The following WDR49 variants were observed in gnomAD, a reference collection of about 807,000 sequenced individuals.
The protein encoded by WDR49 is WD repeat domain 49, also known as cilia- and flagella-associated protein 337.
Under a neutral mutation model 119.5 loss-of-function variants are expected in WDR49, and 107 were observed. That is an observed-to-expected ratio of 0.90 (90% CI 0.77 to 1.05). WDR49 has a LOEUF of 1.05. Among genes scored for constraint, WDR49 ranks in the 50% least tolerant of loss-of-function variants. The pLI, the probability that WDR49 is intolerant of heterozygous loss-of-function variation, is 0.00. For missense variants in WDR49, 1,240 were observed against 1,220.5 expected (o/e 1.02, Z -0.24); for synonymous variants, 425 against 418.8 (o/e 1.01, Z -0.18).
intron 7 of WDR49, among the ~76,000 whole-genome samples, chr3:167,584,037 A>G (rs189821557): frequency 2.0e-5 from 3 of 152,308 alleles, no homozygotes; most frequent in African/African-American, 7.2e-5. Flanking sequence ...AATTAGGTAT[A>G]ACATTAAAGA....
chr3:167,600,532 G>C (rs1188838706), intron 7 of WDR49, among the ~76,000 whole-genome samples: 1 of 152,044 alleles, frequency 6.6e-6, no homozygotes, highest in Admixed American at 6.6e-5. Flanking sequence ...TAAATTTGGT[G>C]TTCCTATTGG....
chr3:167,586,983 C>T (rs1577257638), intron 7 of WDR49, among the ~76,000 whole-genome samples: 1 of 151,918 alleles, frequency 6.6e-6, no homozygotes, highest in African/African-American at 2.4e-5. Context: ...GATAAAGATT[C>T]TCTTATTTAA....
At chr3:167,582,953 CACACACACACACACAT>C (rs1379675528) in intron 7 of WDR49, among the ~76,000 whole-genome samples, 5 of 149,728 alleles carry the variant, frequency 3.3e-5, no homozygotes, top group East Asian at 4.0e-4. Flanking sequence ...AAAACAAACA[CACACACACACACACAT>C]ACACACACAC....
intron 11 of WDR49, 111 bp downstream of exon 11, chr3:167,536,759 A>G: frequency 2.1e-6 from 1 of 482,070 alleles, no homozygotes; most frequent in Non-Finnish European, 2.9e-6. Flanking sequence ...ACATATACAT[A>G]TATATATATA....
intron 5 of WDR49, among the ~76,000 whole-genome samples, chr3:167,607,398 A>C (rs1716114097): frequency 6.6e-6 from 1 of 152,196 alleles, no homozygotes; most frequent in African/African-American, 2.4e-5. Flanking sequence ...TATCCCCCAT[A>C]TGGAATTTCT....
At chr3:167,552,425 T>C (rs1712630848) in intron 10 of WDR49, among the ~76,000 whole-genome samples, 1 of 152,054 alleles carries the variant, frequency 6.6e-6, no homozygotes, top group African/African-American at 2.4e-5. Flanking sequence ...GTACAATTTA[T>C]AGGAGCAGGT....
chr3:167,496,212 A>G (rs1238211435), intron 18 of WDR49, among the ~76,000 whole-genome samples: 1 of 148,450 alleles, frequency 6.7e-6, no homozygotes, highest in Admixed American at 6.8e-5. Context: ...ATAAAATTAT[A>G]TAATTCAGAA....
At chr3:167,591,415 A>C (rs1201880263) in intron 7 of WDR49, among the ~76,000 whole-genome samples, 4 of 152,112 alleles carry the variant, frequency 2.6e-5, no homozygotes, top group Non-Finnish European at 5.9e-5. Context: ...AATATCTATT[A>C]GGTCCATTTC....
chr3:167,647,311 C>T (rs951347127), intron 2 of WDR49, among the ~76,000 whole-genome samples: 1 of 152,198 alleles, frequency 6.6e-6, no homozygotes, highest in Non-Finnish European at 1.5e-5. Flanking sequence ...CACTCTTCAT[C>T]ACACACTGAT....
At chr3:167,567,350 C>G (rs1713663830) in intron 8 of WDR49, among the ~76,000 whole-genome samples, 1 of 152,098 alleles carries the variant, frequency 6.6e-6, no homozygotes, top group South Asian at 2.1e-4. Context: ...CTTGAATTTC[C>G]CCAAAATTCA....
intron 7 of WDR49, among the ~76,000 whole-genome samples, chr3:167,586,042 G>T (rs1019424919): frequency 2.0e-5 from 3 of 152,082 alleles, no homozygotes; most frequent in Admixed American, 2.0e-4. Flanking sequence ...GAAGATAAAT[G>T]GTAAGACAAA....
chr3:167,590,075 T>C (rs1715028719), intron 7 of WDR49, among the ~76,000 whole-genome samples: 1 of 152,096 alleles, frequency 6.6e-6, no homozygotes, highest in Non-Finnish European at 1.5e-5. Context: ...TTATGTTTCT[T>C]CTATATCAAA....
chr3:167,490,827 C>T (rs778426742), intron 18 of WDR49, among the ~76,000 whole-genome samples: 2 of 152,080 alleles, frequency 1.3e-5, no homozygotes, highest in Non-Finnish European at 2.9e-5. Context: ...AGAGATTTGA[C>T]TTCCTCTTCT....
rs1753054579 is a variant in WDR49, at chr3:167,536,864, A to G, written c.1954+6T>C. 3 of 1,487,756 alleles carry G rather than the reference A, an allele frequency of 2.0e-6. No individual in the cohort carries two copies. Among genetic ancestry groups the G allele is most frequent in the Non-Finnish European group, 2.7e-6 (3 of 1,116,022 alleles). 92.2% of individuals were successfully genotyped at this position (1,487,756 alleles called of 1,614,324 possible). A position where few individuals can be genotyped will look rare whatever the true frequency, so the allele number is the denominator to read the frequency against. On this transcript the variant is annotated splice_donor_region_variant and intron_variant, in intron 11 of 18. Transcript: ENST00000682715. The stretch of plus-strand genomic sequence containing the variant: ...CCAATGATTGTCAAGTGAAAGTTCA[A>G]TTTACCCGTAACAAGAGTTTGTGGA...
intron 18 of WDR49, among the ~76,000 whole-genome samples, chr3:167,490,579 T>A (rs1751098373): frequency 6.6e-6 from 1 of 152,146 alleles, no homozygotes; most frequent in African/African-American, 2.4e-5. Flanking sequence ...TTACCGGTGC[T>A]AGATTTAAAA....
chr3:167,529,721 C>T (rs1254433680), intron 13 of WDR49, among the ~76,000 whole-genome samples: 1 of 152,080 alleles, frequency 6.6e-6, no homozygotes, highest in Admixed American at 6.6e-5. Flanking sequence ...TGGCAGCATG[C>T]TTAGAATTCT....
chr3:167,594,278 A>G (rs1715295689), intron 7 of WDR49, among the ~76,000 whole-genome samples: 1 of 152,134 alleles, frequency 6.6e-6, no homozygotes, highest in South Asian at 2.1e-4. Context: ...AATTGTTTTG[A>G]CCAAAATGTT....
intron 10 of WDR49, among the ~76,000 whole-genome samples, chr3:167,541,508 C>A (rs1407607224): frequency 1.3e-5 from 2 of 151,966 alleles, no homozygotes; most frequent in Non-Finnish European, 1.5e-5. Context: ...TAACAACTAC[C>A]AAGCCAGCAC....
chr3:167,488,462 A>C (rs576870055), intron 18 of WDR49, among the ~76,000 whole-genome samples: 1 of 152,166 alleles, frequency 6.6e-6, no homozygotes, highest in African/African-American at 2.4e-5. Context: ...ACCTGGGTGC[A>C]ATATACCCAT....
Sources: gnomAD v4.1 joint callset for allele counts (sites outside exome capture counted in the v4.1 genomes callset) on GRCh38, gnomAD v4.1.1 for gene constraint, MANE v1.5 for transcripts, NCBI Gene and HGNC (gene_info 2026-07-23, HGNC 2026-07-21) for gene names.